Variants in SGCZ observed in about 807,000 individuals in gnomAD.
The protein encoded by SGCZ is sarcoglycan zeta.
A neutral mutation model predicts 41.3 loss-of-function variants in SGCZ; 40 were observed. The observed-to-expected ratio is 0.97, with a 90% CI of 0.75 to 1.26. SGCZ has a LOEUF of 1.26. Ranked by LOEUF, SGCZ falls within the 50% of genes most tolerant of loss-of-function variation. The pLI, the probability that SGCZ is intolerant of heterozygous loss-of-function variation, is 0.00. For synonymous variants in SGCZ, 206 were observed against 137.5 expected, an observed-to-expected ratio of 1.50 and a Z score of -3.49; for missense variants, 552 against 369.8, an observed-to-expected ratio of 1.49 and a Z score of -4.04.
intron 1 of SGCZ, among the ~76,000 whole-genome samples, chr8:14,614,516 C>G (rs1806032540): frequency 6.6e-6 from 1 of 152,066 alleles, no homozygotes; most frequent in African/African-American, 2.4e-5. Flanking sequence ...AGCCTTTTAT[C>G]TTTCAAGATA....
chr8:14,096,938 G>A (rs929673646), intron 7 of SGCZ, among the ~76,000 whole-genome samples: 5 of 152,024 alleles, frequency 3.3e-5, no homozygotes, highest in African/African-American at 4.8e-5. Context: ...CTGTGGGATC[G>A]GTGGTGATAT....
intron 2 of SGCZ, among the ~76,000 whole-genome samples, chr8:14,413,894 C>G (rs10110085): frequency 1.3e-5 from 2 of 151,830 alleles, no homozygotes; most frequent in Admixed American, 6.6e-5. Context: ...ATCTAGAACT[C>G]TGTAAGTTTA....
At position 14,822,056 on chromosome 8, in the gene SGCZ, T is replaced by C. The variant is rs566400362; in HGVS notation, c.40-267130A>G. Among the ~76,000 whole-genome samples, 13 of 145,410 alleles carry C rather than the reference T, an allele frequency of 8.9e-5. No individual in the cohort carries two copies. The South Asian group carries it at 2.8e-3, about 31-fold the overall frequency. On this transcript the variant is annotated intron_variant, in intron 1 of 7. Transcript: ENST00000382080. ...TTGGCAGATGACTTGATTTTAAATATAAAAAACCCTAAAGATTACACACAC... is the reference window on the plus strand; with the variant it reads ...TTGGCAGATGACTTGATTTTAAATACAAAAAACCCTAAAGATTACACACAC...
At position 14,085,631 on chromosome 8, in the gene SGCZ, A is replaced by C. The variant is rs1017724375; in HGVS notation, c.*4812T>G. Among the ~76,000 whole-genome samples, 4 of 151,764 alleles carry C rather than the reference A, an allele frequency of 2.6e-5. No individual in the cohort carries two copies. The highest frequency in any genetic ancestry group is 5.9e-5 in the Non-Finnish European group (4 of 67,816). ...CCAAATAGTGTTCAGCAAGCAGTGA[A>C]AGTTGAAACTCAGCTGAGGAGATCC... is the stretch of plus-strand genomic sequence containing the variant. On this transcript the variant is annotated 3_prime_UTR_variant, in exon 8 of 8. Transcript: ENST00000382080.
intron 5 of SGCZ, among the ~76,000 whole-genome samples, chr8:14,117,494 G>C (rs1488986677): frequency 6.6e-6 from 1 of 151,348 alleles, no homozygotes; most frequent in African/African-American, 2.4e-5. Flanking sequence ...GTGTGTGTGT[G>C]TGTATGTGTA....
At chr8:14,821,245 C>T (rs1175818958) in intron 1 of SGCZ, among the ~76,000 whole-genome samples, 1 of 151,906 alleles carries the variant, frequency 6.6e-6, no homozygotes, top group South Asian at 2.1e-4. Context: ...CCTAGACATA[C>T]ACTGTCTACT....
At chr8:14,161,172 A>T (rs1168406386) in intron 5 of SGCZ, 1 of 152,196 alleles carries the variant, frequency 6.6e-6, no homozygotes, top group Admixed American at 6.5e-5. Context: ...TTTAAAGTAT[A>T]TGTGAGGTTA....
chr8:14,654,450 G>A (rs1253384103), intron 1 of SGCZ, among the ~76,000 whole-genome samples: 3 of 152,074 alleles, frequency 2.0e-5, no homozygotes, highest in Non-Finnish European at 4.4e-5. Flanking sequence ...TAGTTGCTAT[G>A]AGAATTAAGC....
Position 14,676,160 on chromosome 8 carries a change from T to A in SGCZ, c.40-121234A>T, listed in dbSNP as rs73525573. Reference sequence around the variant, plus strand: ...AAAGACCTCCTAACACATGATATAATGTTGAACCTAGACTACAGGCTATTC... The same window carrying A: ...AAAGACCTCCTAACACATGATATAAAGTTGAACCTAGACTACAGGCTATTC... On this transcript the variant is annotated intron_variant, in intron 1 of 7. Transcript: ENST00000382080. Among the ~76,000 whole-genome samples the A allele has an allele frequency of 9.7e-3, 1,481 of 152,306 alleles. 26 individuals are homozygous for A. Among genetic ancestry groups the A allele is most frequent in the African/African-American group, 0.034 (1,418 of 41,558 alleles).
chr8:14,840,337 T>C (rs1414399083), intron 1 of SGCZ, among the ~76,000 whole-genome samples: 1 of 152,140 alleles, frequency 6.6e-6, no homozygotes, highest in Non-Finnish European at 1.5e-5. Context: ...TATAGTGTGG[T>C]TTCAAATAAT....
chr8:14,663,212 C>A (rs185714537), intron 1 of SGCZ, among the ~76,000 whole-genome samples: 1 of 152,258 alleles, frequency 6.6e-6, no homozygotes, highest in Non-Finnish European at 1.5e-5. Context: ...GACAATTGTA[C>A]CTACCCCTTG....
intron 2 of SGCZ, among the ~76,000 whole-genome samples, chr8:14,420,306 A>T (rs865939057): frequency 6.6e-6 from 1 of 152,034 alleles, no homozygotes; most frequent in Non-Finnish European, 1.5e-5. Context: ...TTATATTATA[A>T]CTTACTCAAA....
At chr8:14,773,541 C>T (rs1321740781) in intron 1 of SGCZ, among the ~76,000 whole-genome samples, 1 of 152,178 alleles carries the variant, frequency 6.6e-6, no homozygotes, top group Non-Finnish European at 1.5e-5. Context: ...ATTCTGGGGA[C>T]AGAGTTCACA....
chr8:14,121,690 G>A (rs1183080003), intron 5 of SGCZ, among the ~76,000 whole-genome samples: 1 of 152,056 alleles, frequency 6.6e-6, no homozygotes, highest in East Asian at 1.9e-4. Flanking sequence ...ACAGTATATA[G>A]TTTCTCTAAT....
intron 1 of SGCZ, among the ~76,000 whole-genome samples, chr8:14,732,933 C>A (rs1798908355): frequency 6.6e-6 from 1 of 151,656 alleles, no homozygotes; most frequent in Non-Finnish European, 1.5e-5. Flanking sequence ...GTATTACCTA[C>A]AAAATAAGAT....
chr8:14,161,834 AAC>A (rs1202817415), intron 5 of SGCZ, among the ~76,000 whole-genome samples: 4 of 152,122 alleles, frequency 2.6e-5, no homozygotes, highest in Admixed American at 1.3e-4. Context: ...GCCAGTGTGA[AAC>A]ACATATATGT....
chr8:15,113,196 G>A (rs1342772343), intron 1 of SGCZ, among the ~76,000 whole-genome samples: 3 of 135,222 alleles, frequency 2.2e-5, no homozygotes, highest in African/African-American at 5.7e-5. Flanking sequence ...GCAAGAGAGC[G>A]AGACCTGGCT....
intron 3 of SGCZ, among the ~76,000 whole-genome samples, chr8:14,270,952 A>T (rs1373493770): frequency 6.6e-6 from 1 of 152,158 alleles, no homozygotes; most frequent in Non-Finnish European, 1.5e-5. Flanking sequence ...CAAGGACAAA[A>T]AACCAAACAC....
At chr8:14,155,900 C>T (rs1025433300) in intron 5 of SGCZ, among the ~76,000 whole-genome samples, 2 of 152,060 alleles carry the variant, frequency 1.3e-5, no homozygotes, top group African/African-American at 4.8e-5. Flanking sequence ...CAAACCTGTA[C>T]AGCATGTTAC....
Sources: allele counts gnomAD v4.1 joint callset (sites outside exome capture counted in the v4.1 genomes callset), GRCh38; gene constraint gnomAD v4.1.1; transcripts MANE v1.5; gene names NCBI Gene and HGNC (gene_info 2026-07-23, HGNC 2026-07-21).